The following ERC2 variants were observed in gnomAD, a reference collection of about 807,000 sequenced individuals.
ERC2 encodes the protein ERC protein 2.
A neutral mutation model predicts 114.8 loss-of-function variants in ERC2; 42 were observed. That is an observed-to-expected ratio of 0.37 (90% CI 0.29 to 0.47). The LOEUF is 0.47. Among genes scored for constraint, ERC2 ranks in the 20% least tolerant of loss-of-function variants. ERC2 has a pLI of 0.99. For missense variants in ERC2, 939 were observed against 1,150.7 expected (o/e 0.82, Z 2.66); for synonymous variants, 454 against 425.5 (o/e 1.07, Z -0.82).
At chr3:55,571,118 C>T (rs1482075441) in intron 17 of ERC2, among the ~76,000 whole-genome samples, 2 of 119,314 alleles carry the variant, frequency 1.7e-5, no homozygotes, top group East Asian at 4.6e-4. Context: ...CAGAGCGAGA[C>T]TCCGTCAAAA....
chr3:55,537,132 C>T (rs1180876161), intron 17 of ERC2, among the ~76,000 whole-genome samples: 2 of 152,158 alleles, frequency 1.3e-5, no homozygotes, highest in Non-Finnish European at 2.9e-5. Flanking sequence ...TGCTGGGAGG[C>T]CGCATGGGCT....
At position 55,751,203 on chromosome 3, in the gene ERC2, C is replaced by T. The variant is rs116518772; in HGVS notation, c.2565-16285G>A. 3.3e-3 allele frequency among the ~76,000 whole-genome samples: 503 copies of T among 152,208 alleles called. 5 individuals are homozygous for T. The highest frequency in any genetic ancestry group is 0.012 in the African/African-American group (484 of 41,520). ...TCCAAGCTGGCTGCCTTATAAATGC[C>T]ATGTTGAACCCAAATTGTTTGTACT... is the stretch of plus-strand genomic sequence containing the variant. On this transcript the variant is annotated intron_variant, in intron 14 of 17. Coordinates refer to ENST00000288221, the MANE Select transcript of ERC2 (RefSeq NM_015576.3).
chr3:55,720,083 CT>C (rs571671851), intron 15 of ERC2, among the ~76,000 whole-genome samples: 338 of 26,120 alleles, frequency 0.013, 95 homozygotes, highest in African/African-American at 0.029. Flanking sequence ...TCCCCTCCCC[CT>C]TCCCCTCCCC....
chr3:56,369,108 G>C (rs1291337175), intron 2 of ERC2, among the ~76,000 whole-genome samples: 1 of 152,148 alleles, frequency 6.6e-6, no homozygotes, highest in Non-Finnish European at 1.5e-5. Flanking sequence ...TCTAATTCTG[G>C]TTTTGTTTTT....
At chr3:55,675,894 C>CTCTTTTTTTTTTTTTTT (rs2061765800) in intron 17 of ERC2, among the ~76,000 whole-genome samples, 1 of 70,470 alleles carries the variant, frequency 1.4e-5, no homozygotes, top group African/African-American at 5.2e-5. Context: ...CTTTCTTTCT[C>CTCTTTTTTTTTTTTTTT]TTTTCTTTCT....
intron 17 of ERC2, among the ~76,000 whole-genome samples, chr3:55,571,984 G>A (rs953334901): frequency 2.6e-5 from 4 of 152,196 alleles, no homozygotes; most frequent in Non-Finnish European, 5.9e-5. Flanking sequence ...TACCTGGGCC[G>A]AAATTCAGGT....
intron 14 of ERC2, among the ~76,000 whole-genome samples, chr3:55,761,105 C>T (rs1161964196): frequency 6.6e-6 from 1 of 152,128 alleles, no homozygotes; most frequent in East Asian, 1.9e-4. Flanking sequence ...AATGCATTGA[C>T]ACTGATAATA....
At position 55,868,057 on chromosome 3, in the gene ERC2, T is replaced by C. The variant is rs114696384; in HGVS notation, c.2564+20332A>G. ...CATTTGGCCCTACCATGACGATAGC[T>C]TACCTCCTCCTCCTCCTCTCTCCTG... On this transcript the variant is annotated intron_variant, in intron 14 of 17. Transcript: ENST00000288221. Among the ~76,000 whole-genome samples, 611 of 152,318 alleles carry C rather than the reference T, an allele frequency of 4.0e-3. 5 individuals carry two copies. Among genetic ancestry groups the C allele is most frequent in the Non-Finnish European group, 5.6e-3 (380 of 68,022 alleles).
intron 13 of ERC2, among the ~76,000 whole-genome samples, chr3:55,939,652 C>G (rs1271859417): frequency 2.0e-5 from 3 of 152,184 alleles, no homozygotes; most frequent in Non-Finnish European, 4.4e-5. Context: ...CTCTTTTAGT[C>G]AAATTAGTCT....
chr3:56,088,351 T>C (rs563581675), intron 6 of ERC2, among the ~76,000 whole-genome samples: 52 of 152,298 alleles, frequency 3.4e-4, no homozygotes, highest in Admixed American at 4.6e-4. Context: ...AAAACTGTTT[T>C]TTTTGTCTTA....
intron 14 of ERC2, among the ~76,000 whole-genome samples, chr3:55,818,938 G>A (rs1479874956): frequency 6.6e-6 from 1 of 152,162 alleles, no homozygotes; most frequent in Non-Finnish European, 1.5e-5. Flanking sequence ...GTCTACTTGG[G>A]CACATAGGAA....
chr3:56,180,889 G>A (rs531192903), intron 3 of ERC2, among the ~76,000 whole-genome samples: 103 of 152,222 alleles, frequency 6.8e-4, no homozygotes, highest in African/African-American at 2.2e-3. Context: ...CTATCCTTTC[G>A]GAGAGTAACC....
At chr3:55,805,883 C>T (rs1037203857) in intron 14 of ERC2, among the ~76,000 whole-genome samples, 1 of 152,132 alleles carries the variant, frequency 6.6e-6, no homozygotes, top group South Asian at 2.1e-4. Context: ...CTCACGGCCA[C>T]TTTTTGTCAC....
intron 17 of ERC2, among the ~76,000 whole-genome samples, chr3:55,591,236 G>A (rs957176681): frequency 1.3e-5 from 2 of 151,408 alleles, no homozygotes; most frequent in Non-Finnish European, 2.9e-5. Context: ...TTGTAGAGCA[G>A]CTGGGAAATC....
At chr3:55,917,132 C>G (rs67843876) in intron 13 of ERC2, among the ~76,000 whole-genome samples, 21,384 of 152,076 alleles carry the variant, frequency 0.14, 1,681 homozygotes, top group East Asian at 0.32. Flanking sequence ...CATGAAGGTC[C>G]CCTGTTGTAG....
At chr3:56,340,207 A>G (rs1245500351) in intron 2 of ERC2, among the ~76,000 whole-genome samples, 1 of 152,196 alleles carries the variant, frequency 6.6e-6, no homozygotes, top group Non-Finnish European at 1.5e-5. Context: ...TGACTTTATT[A>G]TATTATCTCT....
chr3:55,744,963 C>A (rs763977735), intron 14 of ERC2, among the ~76,000 whole-genome samples: 2 of 152,192 alleles, frequency 1.3e-5, no homozygotes, highest in East Asian at 1.9e-4. Flanking sequence ...ATGACACAGA[C>A]CCCACCAAAG....
At chr3:55,623,006 G>T (rs578080001) in intron 17 of ERC2, among the ~76,000 whole-genome samples, 3 of 152,306 alleles carry the variant, frequency 2.0e-5, no homozygotes, top group Admixed American at 2.0e-4. Context: ...CTAGAGGAAG[G>T]CTGGGAACCA....
chr3:55,620,078 G>T (rs2059266673), intron 17 of ERC2, among the ~76,000 whole-genome samples: 1 of 152,182 alleles, frequency 6.6e-6, no homozygotes, highest in Non-Finnish European at 1.5e-5. Flanking sequence ...TCTGCAAATT[G>T]GGATTAAGTT....
Sources: allele counts gnomAD v4.1 joint callset (sites outside exome capture counted in the v4.1 genomes callset), GRCh38; gene constraint gnomAD v4.1.1; transcripts MANE v1.5; gene names NCBI Gene and HGNC (gene_info 2026-07-23, HGNC 2026-07-21).